Variants in GZMK observed in about 807,000 individuals in gnomAD.
The protein encoded by GZMK is granzyme K, also known as NK-Tryp-2.
GZMK carries 18 observed loss-of-function variants against 22.8 expected under a neutral mutation model. That is an observed-to-expected ratio of 0.79 (90% CI 0.54 to 1.17). GZMK has a LOEUF of 1.17. Among genes scored for constraint, GZMK ranks in the 50% most tolerant of loss-of-function variants. GZMK has a pLI of 0.00. For missense variants in GZMK, 342 were observed against 320.2 expected, an observed-to-expected ratio of 1.07 and a Z score of -0.52; for synonymous variants, 136 against 115.0, an observed-to-expected ratio of 1.18 and a Z score of -1.17.
In GZMK at chr5:55,026,016, C is replaced by T. The variant is rs532358751; in HGVS notation, c.212+1209C>T. ...CTTCTCTCTTCTCCAGGGCATTTGC[C>T]CCCTCGAGATCAGAGAGACAGAGTG... On this transcript the variant is annotated intron_variant, in intron 2 of 4. Transcript: ENST00000231009. 1.1e-4 allele frequency among the ~76,000 whole-genome samples: 17 copies of T among 152,332 alleles called. 1 individual carries two copies. The South Asian group carries it at 3.5e-3, about 32-fold the overall frequency.
At position 55,024,349 on chromosome 5, in the gene GZMK, G is replaced by A; in HGVS notation, c.27G>A (p.Leu9=). Residue 9 remains leucine, a synonymous_variant, in exon 1 of 5, where the codon CTG becomes CTA. Transcript: ENST00000231009. ...TGACTAAGTTTTCTTCCTTTTCTCT[G>A]TTTTTCCTAATAGTTGGGGCTTATA... MTKFSSFS[L]FFLIVGAYMT... The A allele has an allele frequency of 6.7e-7, 1 of 1,490,780 alleles. No homozygotes were observed. 92.3% of individuals were successfully genotyped at this position (1,490,780 alleles called of 1,614,324 possible). A position where few individuals can be genotyped will look rare whatever the true frequency, so the allele number is the denominator to read the frequency against.
At chr5:55,033,083 CA>C (rs541148078) in intron 4 of GZMK, among the ~76,000 whole-genome samples, 45 of 152,294 alleles carry the variant, frequency 3.0e-4, no homozygotes, top group African/African-American at 1.0e-3. Flanking sequence ...AGCTCTTCAT[CA>C]AAAGGCCATG....
intron 2 of GZMK, among the ~76,000 whole-genome samples, chr5:55,025,452 A>G (rs1280145701): frequency 6.6e-6 from 1 of 152,240 alleles, no homozygotes; most frequent in Non-Finnish European, 1.5e-5. Context: ...TAGGATACTT[A>G]GAATGAAAGC....
chr5:55,030,878 C>T (rs1229534128), intron 3 of GZMK, among the ~76,000 whole-genome samples: 1 of 152,150 alleles, frequency 6.6e-6, no homozygotes, highest in Non-Finnish European at 1.5e-5. Context: ...GCTTTTCTCC[C>T]AAATGCTTTT....
In GZMK at chr5:55,033,838, T is replaced by C. The variant is rs1260753748; in HGVS notation, c.707T>C (p.Val236Ala). The C allele has an allele frequency of 1.9e-6, 3 of 1,611,806 alleles. No homozygotes were observed. Among genetic ancestry groups the C allele is most frequent in the African/African-American group, 1.3e-5 (1 of 74,330 alleles). ...GTCTCTGGAGGTCATGAATGTGGTG[T>C]TGCCACAAAGCCTGGAATCTACACC... Reference protein sequence around the residue: ...AIVSGGHECGVATKPGIYTLL... With the variant: ...AIVSGGHECGAATKPGIYTLL... The change falls in exon 5 of 5, where the codon GTT becomes GCT. Residue 236 changes from valine to alanine, a missense_variant. Coordinates refer to ENST00000231009, the MANE Select transcript of GZMK (RefSeq NM_002104.3).
chr5:55,024,886 A>T (rs909029602), intron 2 of GZMK, 79 bp downstream of exon 2: 1 of 882,844 alleles, frequency 1.1e-6, no homozygotes, highest in Admixed American at 2.9e-5. Context: ...CCTCTCCTGA[A>T]TGAGAATTTG....
At chr5:55,029,706 G>C (rs1032544144) in intron 2 of GZMK, among the ~76,000 whole-genome samples, 3 of 152,162 alleles carry the variant, frequency 2.0e-5, no homozygotes, top group Non-Finnish European at 4.4e-5. Flanking sequence ...ACCATGCCCA[G>C]CATGCACCAG....
At chr5:55,024,937 G>A (rs894519610) in intron 2 of GZMK, 130 bp downstream of exon 2, 31 of 547,318 alleles carry the variant, frequency 5.7e-5, no homozygotes, top group African/African-American at 2.9e-4. Context: ...AACTGGTGGC[G>A]TTTATTTACC....
intron 2 of GZMK, chr5:55,025,694 G>A (rs1295927568): frequency 1.3e-5 from 2 of 152,158 alleles, no homozygotes; most frequent in Non-Finnish European, 2.9e-5. Context: ...CTGAAATGGA[G>A]CCTTCTCCTT....
chr5:55,029,068 T>G (rs558218807), intron 2 of GZMK, among the ~76,000 whole-genome samples: 1 of 152,060 alleles, frequency 6.6e-6, no homozygotes, highest in South Asian at 2.1e-4. Flanking sequence ...AATTCCGTCT[T>G]TACTAAAAAT....
chr5:55,027,073 G>A (rs1741152407), intron 2 of GZMK: 1 of 152,116 alleles, frequency 6.6e-6, no homozygotes. Flanking sequence ...TTTGCCTCCT[G>A]GAGGCAAAGG....
intron 4 of GZMK, among the ~76,000 whole-genome samples, chr5:55,031,966 A>T (rs1310636952): frequency 6.6e-6 from 1 of 152,002 alleles, no homozygotes; most frequent in African/African-American, 2.4e-5. Context: ...GGTGATTAGA[A>T]GATAACTTAT....
At position 55,030,508 on chromosome 5, in the gene GZMK, C is replaced by T. The variant is rs1335390346; in HGVS notation, c.287C>T (p.Thr96Ile). ...TCAAAGAATGAGGCCTCCAAACAAA[C>T]ACTGGAGATCAAAAAATTTATACCA... ...SLSKNEASKQ[T>I]LEIKKFIPFS... Residue 96 changes from threonine (T) to isoleucine (I), a missense_variant, in exon 3 of 5, where the codon ACA (threonine) becomes ATA (isoleucine). Coordinates refer to ENST00000231009, the MANE Select transcript of GZMK (RefSeq NM_002104.3). 4 of 1,611,064 alleles carry T rather than the reference C, an allele frequency of 2.5e-6. No homozygotes were observed. Among genetic ancestry groups the T allele is most frequent in the Non-Finnish European group, 3.4e-6 (4 of 1,177,240 alleles).
rs368408087 is a variant in GZMK at position 55,027,419 on chromosome 5, C to T, written c.212+2612C>T. On this transcript the variant is annotated intron_variant, in intron 2 of 4. Coordinates refer to ENST00000231009, the MANE Select transcript of GZMK (RefSeq NM_002104.3). ...GCCTTTGCTGCCAGACCTCAAGGGGCGGGTCTAAGCAGAACCACTGTTGAG... is the reference window on the plus strand; with the variant it reads ...GCCTTTGCTGCCAGACCTCAAGGGGTGGGTCTAAGCAGAACCACTGTTGAG... 6.0e-4 allele frequency among the ~76,000 whole-genome samples: 91 copies of T among 152,166 alleles called. 1 individual carries two copies. The South Asian group carries it at 9.5e-3, about 16-fold the overall frequency.
At chr5:55,031,098 C>CATTCCACA (rs1300199282) in intron 3 of GZMK, among the ~76,000 whole-genome samples, 2 of 152,188 alleles carry the variant, frequency 1.3e-5, no homozygotes, top group Non-Finnish European at 2.9e-5. Flanking sequence ...ACAAAACCAT[C>CATTCCACA]CAATGCAGGG....
chr5:55,024,691 A>T lies in GZMK; in HGVS notation c.96A>T (p.Glu32Asp). The change falls in exon 2 of 5, where the codon GAA becomes GAT. Residue 32 changes from glutamate (E) to aspartate (D), a missense_variant. Coordinates refer to ENST00000231009, the MANE Select transcript of GZMK (RefSeq NM_002104.3). ...CFNMEIIGGKEVSPHSRPFMA... is the reference protein window; with the variant it reads ...CFNMEIIGGKDVSPHSRPFMA... ...ATATGGAAATTATTGGAGGGAAAGA[A>T]GTGTCACCTCATTCCAGGCCATTTA... The T allele has an allele frequency of 6.2e-7, 1 of 1,607,600 alleles. No homozygotes were observed.
chr5:55,028,598 C>T (rs938021971), intron 2 of GZMK: 1 of 152,132 alleles, frequency 6.6e-6, no homozygotes, highest in Non-Finnish European at 1.5e-5. Flanking sequence ...CTGTATGTTT[C>T]TGTGCTCTTT....
chr5:55,034,169 C>G lies in GZMK; in HGVS notation c.*243C>G, dbSNP rs949537147. On this transcript the variant is annotated 3_prime_UTR_variant, in exon 5 of 5. Transcript: ENST00000231009. ...TTTATCACATGAAGTAATATCTGCC[C>G]CCATTGCACCCACACTCGCCAAAGG... is the stretch of plus-strand genomic sequence containing the variant. The G allele has an allele frequency of 2.3e-6, 1 of 431,560 alleles. No homozygotes were observed. Among genetic ancestry groups the G allele is most frequent in the African/African-American group, 2.0e-5 (1 of 49,618 alleles). The allele number at this position is 431,560 out of a possible 1,614,324, so 26.7% of individuals were successfully genotyped here. A position where few individuals can be genotyped will look rare whatever the true frequency, so the allele number is the denominator to read the frequency against.
chr5:55,025,896 C>A (rs1338087868), intron 2 of GZMK: 2 of 152,188 alleles, frequency 1.3e-5, no homozygotes, highest in African/African-American at 4.8e-5. Context: ...CTTCTGCTAT[C>A]TCTAAATAGC....
Sources: allele counts gnomAD v4.1 joint callset (sites outside exome capture counted in the v4.1 genomes callset), GRCh38; gene constraint gnomAD v4.1.1; transcripts MANE v1.5; gene names NCBI Gene and HGNC (gene_info 2026-07-23, HGNC 2026-07-21).